IPO5: variants seen among roughly 807,000 people sequenced by gnomAD.
IPO5 encodes importin 5.
IPO5 carries 18 observed loss-of-function variants against 143.3 expected under a neutral mutation model. The observed-to-expected ratio is 0.13, with a 90% CI of 0.09 to 0.19. The LOEUF is 0.19. Among genes scored for constraint, IPO5 ranks in the 10% least tolerant of loss-of-function variants. The pLI is 1.00. For synonymous variants in IPO5, 477 were observed against 465.7 expected (o/e 1.02, Z -0.31); for missense variants, 1,013 against 1,336.9 (o/e 0.76, Z 3.78).
intron 12 of IPO5, among the ~76,000 whole-genome samples, chr13:98,000,033 T>C (rs1368071377): frequency 6.6e-6 from 1 of 152,166 alleles, no homozygotes; most frequent in Admixed American, 6.5e-5. Flanking sequence ...GCCTGTAATC[T>C]TAGCATTTTG....
At chr13:97,969,175 A>ATATATTTTTTTTTTTT (rs1234384302) in intron 2 of IPO5, among the ~76,000 whole-genome samples, 1 of 43,906 alleles carries the variant, frequency 2.3e-5, no homozygotes, top group African/African-American at 1.1e-4. Context: ...ATATATATAT[A>ATATATTTTTTTTTTTT]TTTTTTTTTT....
rs746109488 is a variant in IPO5 at position 98,000,595 on chromosome 13, A to G, written c.1058A>G (p.Lys353Arg). The G allele has an allele frequency of 3.7e-6, 6 of 1,614,034 alleles. No individual in the cohort carries two copies. The African/African-American group carries it at 6.7e-5, about 18-fold the overall frequency. ...CGAATGGCTTGCGGACTTGGTGGAA[A>G]GCTCGTTCTGCCGATGATCAAGGAA... ...LDRMACGLGGKLVLPMIKEHI... is the reference protein window; with the variant it reads ...LDRMACGLGGRLVLPMIKEHI... Residue 353 changes from lysine to arginine, a missense_variant, in exon 13 of 29, where the codon AAG becomes AGG. By Grantham distance (26) the Lys-to-Arg change is conservative (BLOSUM62 2). Around this residue, in one of 2 missense-constraint regions of IPO5, gnomAD observed 685 missense variants for 994.9 expected, o/e 0.69. Coordinates refer to ENST00000651721, the MANE Select transcript of IPO5 (RefSeq NM_002271.6).
chr13:97,989,701 G>C (rs2139686454), intron 7 of IPO5, among the ~76,000 whole-genome samples: 1 of 152,120 alleles, frequency 6.6e-6, no homozygotes, highest in Non-Finnish European at 1.5e-5. Flanking sequence ...ACACATTTTA[G>C]GCTTTGTATC....
At chr13:97,971,367 G>A (rs1885814561) in intron 3 of IPO5, among the ~76,000 whole-genome samples, 1 of 152,158 alleles carries the variant, frequency 6.6e-6, no homozygotes, top group African/African-American at 2.4e-5. Context: ...GAACTTGAAA[G>A]TTTTGATAAA....
chr13:98,023,222 A>T lies in IPO5; in HGVS notation c.*1400A>T, dbSNP rs553127204. 6.6e-6 allele frequency: 1 copy of T among 152,530 alleles called. No homozygotes were observed. Among genetic ancestry groups the T allele is most frequent in the South Asian group, 2.1e-4 (1 of 4,826 alleles). The allele number at this position is 152,530 out of a possible 1,614,324, so 9.4% of individuals were successfully genotyped here. On this transcript the variant is annotated 3_prime_UTR_variant, in exon 29 of 29. Coordinates refer to ENST00000651721, the MANE Select transcript of IPO5 (RefSeq NM_002271.6). ...AACACCATTGCCCGGAGGCTTCCGA[A>T]TCTAGCAAAGCAGCATATTAAATGA...
At chr13:97,955,330 T>G (rs1006600921) in intron 2 of IPO5, among the ~76,000 whole-genome samples, 2 of 152,154 alleles carry the variant, frequency 1.3e-5, no homozygotes, top group Non-Finnish European at 2.9e-5. Flanking sequence ...TGTGCTGAGT[T>G]CATATACTCT....
rs1348440319 is a variant in IPO5 at position 98,023,595 on chromosome 13, G to A, written c.*1773G>A. 1.3e-5 allele frequency: 2 copies of A among 152,158 alleles called. No individual in the cohort carries two copies. The highest frequency in any genetic ancestry group is 2.9e-5 in the Non-Finnish European group (2 of 68,022). 9.4% of individuals were successfully genotyped at this position (152,158 alleles called of 1,614,324 possible). The stretch of plus-strand genomic sequence containing the variant: ...TGTTTTTTGGGAGAACCTAGTGTTT[G>A]CTGGGCACTATGCTAAGCACTTTGG... On this transcript the variant is annotated 3_prime_UTR_variant, in exon 29 of 29. Transcript: ENST00000651721.
rs1890580541 is a variant in IPO5 at position 98,022,905 on chromosome 13, A to T, written c.*1083A>T. 6.5e-6 allele frequency: 1 copy of T among 152,692 alleles called. No homozygotes were observed. The highest frequency in any genetic ancestry group is 6.5e-5 in the Admixed American group (1 of 15,284). The allele number at this position is 152,692 out of a possible 1,614,324, so 9.5% of individuals were successfully genotyped here. On this transcript the variant is annotated 3_prime_UTR_variant, in exon 29 of 29. Coordinates refer to ENST00000651721, the MANE Select transcript of IPO5 (RefSeq NM_002271.6). The stretch of plus-strand genomic sequence containing the variant: ...ATGTGTGAATGTTTCTTTATGTATT[A>T]ACCTCATAGCAGTAAATGACTTGCT...
intron 2 of IPO5, among the ~76,000 whole-genome samples, chr13:97,967,550 C>G (rs1885446686): frequency 6.6e-6 from 1 of 152,108 alleles, no homozygotes; most frequent in African/African-American, 2.4e-5. Context: ...CTCTAAGTGT[C>G]CCTATGAGCA....
intron 3 of IPO5, among the ~76,000 whole-genome samples, chr13:97,974,011 T>G (rs1245391076): frequency 6.6e-6 from 1 of 152,050 alleles, no homozygotes; most frequent in African/African-American, 2.4e-5. Flanking sequence ...GCGGCTGCAG[T>G]GAGATCACAC....
At chr13:97,990,282 T>A in intron 8 of IPO5, 60 bp downstream of exon 8, 1 of 1,264,144 alleles carries the variant, frequency 7.9e-7, no homozygotes, top group Non-Finnish European at 1.1e-6. Flanking sequence ...GCGAAAGAAA[T>A]TAGTATATTA....
chr13:98,019,666 A>T lies in IPO5; in HGVS notation c.2922A>T (p.Ser974=), dbSNP rs1184544259. 6.2e-7 allele frequency: 1 copy of T among 1,612,762 alleles called. No individual in the cohort carries two copies. The highest frequency in any genetic ancestry group is 1.3e-5 in the African/African-American group (1 of 74,934). Residue 974 remains serine, a synonymous_variant, in exon 27 of 29, where the codon TCA becomes TCT. Transcript: ENST00000651721. ...ENVNATENCI[S]AVGKIMKFKP... ...TCAATGCTACAGAGAACTGCATCTCAGCAGTAGGGAAAATCATGAAGTTCA... is the reference window on the plus strand; with the variant it reads ...TCAATGCTACAGAGAACTGCATCTCTGCAGTAGGGAAAATCATGAAGTTCA...
chr13:98,015,643 T>C lies in IPO5; in HGVS notation c.2437+2T>C. 2 of 1,597,392 alleles carry C rather than the reference T, an allele frequency of 1.3e-6. No individual in the cohort carries two copies. Among genetic ancestry groups the C allele is most frequent in the Non-Finnish European group, 1.7e-6 (2 of 1,166,988 alleles). On this transcript the variant is annotated splice_donor_variant, in intron 23 of 28. Coordinates refer to ENST00000651721, the MANE Select transcript of IPO5 (RefSeq NM_002271.6). LOFTEE classifies it high-confidence loss of function. ...TTAAAAATCAAGAATTACGACAAGG[T>C]AAGTTTTCCATGCTTTTATTTCTGA...
intron 21 of IPO5, 63 bp from the exon 22 acceptor site, chr13:98,013,979 T>C: frequency 6.8e-7 from 1 of 1,470,764 alleles, no homozygotes; most frequent in Non-Finnish European, 9.2e-7. Context: ...TTTTAGTGCA[T>C]TGAACCCTTT....
At chr13:98,021,415 A>G (rs1890478771) in intron 28 of IPO5, 1 of 357,676 alleles carries the variant, frequency 2.8e-6, no homozygotes, top group Admixed American at 4.4e-5. Context: ...TAAGAAAAAA[A>G]AACAAGATTT....
At chr13:97,957,008 C>T (rs891279124) in intron 2 of IPO5, among the ~76,000 whole-genome samples, 26 of 152,272 alleles carry the variant, frequency 1.7e-4, no homozygotes, top group African/African-American at 6.0e-4. Context: ...TTTTACATGG[C>T]AGATAGACCT....
At chr13:97,964,000 G>A (rs988186317) in intron 2 of IPO5, among the ~76,000 whole-genome samples, 1 of 152,108 alleles carries the variant, frequency 6.6e-6, no homozygotes, top group African/African-American at 2.4e-5. Context: ...GTCTTCTTTT[G>A]AGAAGTGTCT....
At chr13:98,006,042 A>T in intron 16 of IPO5, 88 bp from the exon 17 acceptor site, 1 of 855,828 alleles carries the variant, frequency 1.2e-6, no homozygotes, top group Non-Finnish European at 1.9e-6. Context: ...TCAGAAAAGC[A>T]TTCAAGAACT....
chr13:97,974,499 G>A (rs1252577091), intron 3 of IPO5, among the ~76,000 whole-genome samples: 1 of 151,628 alleles, frequency 6.6e-6, no homozygotes, highest in Non-Finnish European at 1.5e-5. Flanking sequence ...TAGTAAAGAC[G>A]GGCTTTCACC....
Sources: gnomAD v4.1 joint callset for allele counts (sites outside exome capture counted in the v4.1 genomes callset) on GRCh38, gnomAD v4.1.1 for gene constraint, gnomAD v4.1.1 regional missense constraint, MANE v1.5 for transcripts, NCBI Gene and HGNC (gene_info 2026-07-23, HGNC 2026-07-21) for gene names.